The following RBFOX1 variants were observed in gnomAD, a reference collection of about 807,000 sequenced individuals.
RBFOX1 encodes RNA binding fox-1 homolog 1.
In RBFOX1, 8 loss-of-function variants were observed where a neutral mutation model predicts 57.7. That is an observed-to-expected ratio of 0.14 (90% CI 0.08 to 0.25). The LOEUF (loss-of-function observed/expected upper bound fraction) is 0.25, where lower values mean the gene tolerates loss of function less well. RBFOX1 is among the 10% of genes least tolerant of loss of function. The pLI, the probability that RBFOX1 is intolerant of heterozygous loss-of-function variation, is 1.00. For missense variants in RBFOX1, 611 were observed against 548.5 expected (o/e 1.11, Z -1.14); for synonymous variants, 326 against 222.4 (o/e 1.47, Z -4.15).
chr16:6,752,778 C>T (rs991044596), intron 3 of RBFOX1, among the ~76,000 whole-genome samples: 2 of 151,356 alleles, frequency 1.3e-5, no homozygotes, highest in Non-Finnish European at 2.9e-5. Flanking sequence ...CCATCCTTTC[C>T]TGCTGGTAAT....
intron 3 of RBFOX1, among the ~76,000 whole-genome samples, chr16:6,962,144 G>C (rs1057046126): frequency 6.6e-6 from 1 of 152,148 alleles, no homozygotes; most frequent in African/African-American, 2.4e-5. Context: ...GTCTTGATAG[G>C]AGAATCCCTC....
At position 6,579,742 on chromosome 16, in the gene RBFOX1, A is replaced by C. The variant is rs560404615; in HGVS notation, c.-63-74861A>C. ...TAGCAGCGTGGGAACAGACTAATACACTTGGCTAATTTTTCAATTTTTTTG... is the reference window on the plus strand; with the variant it reads ...TAGCAGCGTGGGAACAGACTAATACCCTTGGCTAATTTTTCAATTTTTTTG... On this transcript the variant is annotated intron_variant, in intron 2 of 15. Transcript: ENST00000550418. 3.9e-5 allele frequency among the ~76,000 whole-genome samples: 6 copies of C among 152,038 alleles called. No homozygotes were observed. In the South Asian group the frequency reaches 8.3e-4, roughly 21 times the overall value.
At chr16:7,244,020 C>T (rs943702462) in intron 4 of RBFOX1, among the ~76,000 whole-genome samples, 1 of 151,794 alleles carries the variant, frequency 6.6e-6, no homozygotes, top group Non-Finnish European at 1.5e-5. Flanking sequence ...GCTTTTAAAT[C>T]AATATCTCAA....
In RBFOX1 at chr16:6,865,195, G is replaced by T. The variant is rs1422064113; in HGVS notation, c.-15-186862G>T. On this transcript the variant is annotated intron_variant, in intron 3 of 15. Transcript: ENST00000550418. ...TTTTTGTACTTTTAGTAGAGATGGG[G>T]TTTTGCCATGTTGGCCAGGCTGGTC... Among the ~76,000 whole-genome samples the T allele has an allele frequency of 7.9e-5, 12 of 151,710 alleles. 1 individual carries two copies. In the South Asian group the frequency reaches 1.7e-3, roughly 21 times the overall value.
intron 7 of RBFOX1, among the ~76,000 whole-genome samples, chr16:7,594,123 C>A (rs900671787): frequency 6.6e-6 from 1 of 152,024 alleles, no homozygotes; most frequent in Non-Finnish European, 1.5e-5. Flanking sequence ...TATCCCTCCC[C>A]CAGCCCCCCA....
chr16:7,229,118 T>C (rs1478096175), intron 4 of RBFOX1, among the ~76,000 whole-genome samples: 2 of 152,134 alleles, frequency 1.3e-5, no homozygotes, highest in African/African-American at 4.8e-5. Context: ...TCAGAACAAG[T>C]AGTCAAGTAA....
intron 4 of RBFOX1, chr16:7,510,452 G>A (rs2074724101): frequency 1.5e-6 from 1 of 684,534 alleles, no homozygotes; most frequent in Non-Finnish European, 1.8e-6. Context: ...AAGGAGAGGA[G>A]TTTTGGTGAA....
chr16:7,421,315 C>G (rs1464372354), intron 4 of RBFOX1, among the ~76,000 whole-genome samples: 1 of 152,156 alleles, frequency 6.6e-6, no homozygotes, highest in East Asian at 1.9e-4. Context: ...CTGATTTTAT[C>G]TAAGTATCTT....
intron 3 of RBFOX1, among the ~76,000 whole-genome samples, chr16:6,823,405 C>T (rs7200608): frequency 0.027 from 4,096 of 151,876 alleles, 199 homozygotes; most frequent in African/African-American, 0.095. Context: ...TATATATGTG[C>T]GCCACCACAC....
chr16:7,062,606 A>G (rs913206052), intron 4 of RBFOX1, among the ~76,000 whole-genome samples: 1 of 152,078 alleles, frequency 6.6e-6, no homozygotes, highest in Non-Finnish European at 1.5e-5. Context: ...AAATCACAAC[A>G]CCTGTCCCTA....
At chr16:6,487,731 AT>A (rs2095535139) in intron 2 of RBFOX1, among the ~76,000 whole-genome samples, 1 of 51,800 alleles carries the variant, frequency 1.9e-5, no homozygotes, top group Non-Finnish European at 4.0e-5. Flanking sequence ...ATATATATAT[AT>A]ATATATATAT....
At chr16:6,337,501 G>A (rs1193079241) in intron 2 of RBFOX1, among the ~76,000 whole-genome samples, 1 of 152,150 alleles carries the variant, frequency 6.6e-6, no homozygotes, top group Non-Finnish European at 1.5e-5. Context: ...GCAAAGGAGT[G>A]GAAATAAATT....
chr16:5,772,710 G>A (rs185427272), intron 3 of RBFOX1, among the ~76,000 whole-genome samples: 8 of 152,332 alleles, frequency 5.3e-5, no homozygotes, highest in African/African-American at 1.9e-4. Flanking sequence ...ACAATTTGCT[G>A]AGAGGAACAG....
At chr16:6,021,448 G>C (rs1441990859) in intron 1 of RBFOX1, among the ~76,000 whole-genome samples, 1 of 152,190 alleles carries the variant, frequency 6.6e-6, no homozygotes, top group Non-Finnish European at 1.5e-5. Flanking sequence ...TTTTAGCTAA[G>C]ATCTTTTATG....
intron 4 of RBFOX1, among the ~76,000 whole-genome samples, chr16:5,916,344 A>G (rs944230152): frequency 5.3e-5 from 8 of 152,144 alleles, no homozygotes; most frequent in African/African-American, 1.9e-4. Flanking sequence ...CTTACTGTCT[A>G]TCAGCTTGTA....
chr16:5,463,855 A>C (rs1438183222), intron 1 of RBFOX1, among the ~76,000 whole-genome samples: 1 of 152,132 alleles, frequency 6.6e-6, no homozygotes, highest in African/African-American at 2.4e-5. Context: ...CAGCAAGATT[A>C]CAACACCCAG....
At chr16:6,318,237 G>A (rs189187966) in intron 2 of RBFOX1, among the ~76,000 whole-genome samples, 134 of 152,284 alleles carry the variant, frequency 8.8e-4, no homozygotes, top group African/African-American at 3.1e-3. Flanking sequence ...GATTAGACTG[G>A]CAGCTTTTGT....
At chr16:6,636,196 A>G (rs1300197696) in intron 2 of RBFOX1, among the ~76,000 whole-genome samples, 4 of 152,184 alleles carry the variant, frequency 2.6e-5, no homozygotes, top group African/African-American at 9.6e-5. Flanking sequence ...TTTGAGATGG[A>G]GTCTCGCTCT....
intron 4 of RBFOX1, among the ~76,000 whole-genome samples, chr16:7,367,868 G>T (rs187691947): frequency 7.1e-6 from 1 of 141,690 alleles, no homozygotes; most frequent in Non-Finnish European, 1.5e-5. Flanking sequence ...GCATGAGCAC[G>T]TGCACACATG....
Sources: allele counts gnomAD v4.1 joint callset (sites outside exome capture counted in the v4.1 genomes callset), GRCh38; gene constraint gnomAD v4.1.1; transcripts MANE v1.5; gene names NCBI Gene and HGNC (gene_info 2026-07-23, HGNC 2026-07-21).